LRRC4C: variants seen among roughly 807,000 people sequenced by gnomAD.
The protein encoded by LRRC4C is leucine-rich repeat-containing protein 4C.
Under a neutral mutation model 33.6 loss-of-function variants are expected in LRRC4C, and 5 were observed. That is an observed-to-expected ratio of 0.15 (90% CI 0.08 to 0.31). LRRC4C has a LOEUF of 0.31. Among genes scored for constraint, LRRC4C ranks in the 10% least tolerant of loss-of-function variants. The pLI, the probability that LRRC4C is intolerant of heterozygous loss-of-function variation, is 1.00. For missense variants in LRRC4C, 560 were observed against 796.7 expected (o/e 0.70, Z 3.58); for synonymous variants, 329 against 302.0 (o/e 1.09, Z -0.93).
intron 5 of LRRC4C, among the ~76,000 whole-genome samples, chr11:40,201,849 G>A (rs1346751559): frequency 6.6e-6 from 1 of 152,104 alleles, no homozygotes; most frequent in African/African-American, 2.4e-5. Flanking sequence ...AATGAAGGAA[G>A]AAGTTTCCAG....
intron 3 of LRRC4C, among the ~76,000 whole-genome samples, chr11:40,607,219 A>G (rs1325289701): frequency 1.3e-5 from 2 of 152,200 alleles, no homozygotes; most frequent in African/African-American, 4.8e-5. Flanking sequence ...AATGTTCTTT[A>G]AATCGAAATT....
intron 3 of LRRC4C, among the ~76,000 whole-genome samples, chr11:40,490,143 G>C (rs1954073241): frequency 6.6e-6 from 1 of 152,082 alleles, no homozygotes; most frequent in Admixed American, 6.6e-5. Flanking sequence ...TAAATAAAAT[G>C]TATAACTAAA....
chr11:40,966,240 C>T (rs1851355300), intron 1 of LRRC4C, among the ~76,000 whole-genome samples: 1 of 151,826 alleles, frequency 6.6e-6, no homozygotes, highest in Non-Finnish European at 1.5e-5. Flanking sequence ...GTACACTTTA[C>T]CTATTTTTAC....
At chr11:40,189,443 C>G (rs1322559544) in intron 5 of LRRC4C, among the ~76,000 whole-genome samples, 1 of 152,072 alleles carries the variant, frequency 6.6e-6, no homozygotes, top group Non-Finnish European at 1.5e-5. Context: ...GTTAGGAAGA[C>G]CTGGGTTCAT....
chr11:40,351,113 C>T (rs1011744483), intron 3 of LRRC4C, among the ~76,000 whole-genome samples: 1 of 151,930 alleles, frequency 6.6e-6, no homozygotes, highest in East Asian at 1.9e-4. Context: ...ACTTCCAGTA[C>T]TATTTTCAAT....
At chr11:40,880,032 G>C (rs1955090864) in intron 2 of LRRC4C, among the ~76,000 whole-genome samples, 1 of 152,042 alleles carries the variant, frequency 6.6e-6, no homozygotes, top group Admixed American at 6.6e-5. Flanking sequence ...AGGCAACATG[G>C]CTTCTGTCTG....
chr11:41,174,952 A>G (rs372414743), intron 1 of LRRC4C, among the ~76,000 whole-genome samples: 5 of 152,092 alleles, frequency 3.3e-5, no homozygotes, highest in African/African-American at 1.2e-4. Context: ...AGAGCATTTA[A>G]TTAATGCCTT....
chr11:41,139,688 C>A (rs1943418022), intron 1 of LRRC4C, among the ~76,000 whole-genome samples: 2 of 129,802 alleles, frequency 1.5e-5, no homozygotes, highest in Non-Finnish European at 3.3e-5. Context: ...CAGAGTGAAG[C>A]CTTAGGTTAA....
chr11:41,140,388 G>T (rs1464648321), intron 1 of LRRC4C, among the ~76,000 whole-genome samples: 1 of 117,884 alleles, frequency 8.5e-6, no homozygotes, highest in Non-Finnish European at 2.0e-5. Context: ...CCCATGTTTT[G>T]CTTCACAAAT....
intron 4 of LRRC4C, among the ~76,000 whole-genome samples, chr11:40,313,532 C>A (rs936470555): frequency 2.2e-4 from 33 of 148,134 alleles, no homozygotes; most frequent in Non-Finnish European, 4.6e-4. Context: ...TCAAATGGAT[C>A]AAAGTCCTAA....
At chr11:41,194,953 T>C (rs957276494) in intron 1 of LRRC4C, among the ~76,000 whole-genome samples, 1 of 152,060 alleles carries the variant, frequency 6.6e-6, no homozygotes, top group African/African-American at 2.4e-5. Flanking sequence ...AATAGTTAAC[T>C]GTGCCTCTGA....
intron 1 of LRRC4C, among the ~76,000 whole-genome samples, chr11:41,445,448 A>G (rs1590305472): frequency 6.6e-6 from 1 of 152,122 alleles, no homozygotes; most frequent in Admixed American, 6.5e-5. Flanking sequence ...TAAGGGATGG[A>G]GTAGGCTATA....
chr11:40,678,582 T>G (rs1944525202), intron 2 of LRRC4C, among the ~76,000 whole-genome samples: 2 of 152,156 alleles, frequency 1.3e-5, no homozygotes, highest in Non-Finnish European at 2.9e-5. Context: ...TGGGAGTTAA[T>G]TAAAACATAG....
rs191909449 is a variant in LRRC4C at position 41,175,668 on chromosome 11, C to T, written c.-495-241945G>A. Among the ~76,000 whole-genome samples, 16 of 152,240 alleles carry T rather than the reference C, an allele frequency of 1.1e-4. No individual in the cohort carries two copies. In the East Asian group the frequency reaches 2.7e-3, roughly 26 times the overall value. On this transcript the variant is annotated intron_variant, in intron 1 of 6. Coordinates refer to ENST00000528697, the MANE Select transcript of LRRC4C (RefSeq NM_001258419.2). ...TACTATATGCTGAAGAAAAGAGAAG[C>T]AGACTATTTGTGAATGACATAAAGG...
At chr11:40,536,382 C>T (rs964783147) in intron 3 of LRRC4C, among the ~76,000 whole-genome samples, 3 of 151,988 alleles carry the variant, frequency 2.0e-5, no homozygotes, top group African/African-American at 4.8e-5. Flanking sequence ...TTAGTAGAGA[C>T]GGGGTTTCAC....
chr11:41,318,017 G>T (rs892078360), intron 1 of LRRC4C, among the ~76,000 whole-genome samples: 12 of 152,074 alleles, frequency 7.9e-5, no homozygotes, highest in African/African-American at 2.9e-4. Context: ...AGTAGAACAT[G>T]CATTCAACAG....
intron 2 of LRRC4C, among the ~76,000 whole-genome samples, chr11:40,817,489 T>C (rs1296302101): frequency 1.3e-5 from 2 of 152,170 alleles, no homozygotes; most frequent in Admixed American, 6.5e-5. Flanking sequence ...CCACCTGTCT[T>C]AGTAGAACTT....
At chr11:40,931,654 G>GGTGTGT (rs571620765) in intron 2 of LRRC4C, among the ~76,000 whole-genome samples, 4 of 151,660 alleles carry the variant, frequency 2.6e-5, no homozygotes, top group African/African-American at 9.7e-5. Context: ...AGGATAAAGG[G>GGTGTGT]GTGTGTATGT....
At chr11:41,046,330 CAGTT>C (rs1857772617) in intron 1 of LRRC4C, among the ~76,000 whole-genome samples, 1 of 152,026 alleles carries the variant, frequency 6.6e-6, no homozygotes, top group Non-Finnish European at 1.5e-5. Flanking sequence ...CTAAATCACA[CAGTT>C]AGTAAGTAGA....
Sources: allele counts gnomAD v4.1 joint callset (sites outside exome capture counted in the v4.1 genomes callset), GRCh38; gene constraint gnomAD v4.1.1; transcripts MANE v1.5; gene names NCBI Gene and HGNC (gene_info 2026-07-23, HGNC 2026-07-21).